The following POLN variants were observed in gnomAD, a reference collection of about 807,000 sequenced individuals.
POLN encodes DNA polymerase nu.
POLN carries 108 observed loss-of-function variants against 113.5 expected under a neutral mutation model. That is an observed-to-expected ratio of 0.95 (90% CI 0.81 to 1.12). The LOEUF (loss-of-function observed/expected upper bound fraction) is 1.12. Ranked by LOEUF, POLN falls within the 50% of genes most tolerant of loss-of-function variation. The pLI, the probability that POLN is intolerant of heterozygous loss-of-function variation, is 0.00. For synonymous variants in POLN, 386 were observed against 391.5 expected, an observed-to-expected ratio of 0.99 and a Z score of 0.17; for missense variants, 1,097 against 1,077.1, an observed-to-expected ratio of 1.02 and a Z score of -0.26.
At chr4:2,129,336 A>G in intron 17 of POLN, 80 bp from the exon 18 acceptor site, 2 of 894,304 alleles carry the variant, frequency 2.2e-6, no homozygotes, top group Non-Finnish European at 3.6e-6. Flanking sequence ...ATATTATTTG[A>G]ATATTATTCT....
At chr4:2,111,880 G>GA (rs1299959954) in intron 19 of POLN, among the ~76,000 whole-genome samples, 1 of 152,024 alleles carries the variant, frequency 6.6e-6, no homozygotes, top group Admixed American at 6.6e-5. Flanking sequence ...CACAGAATTG[G>GA]AAAAAACTAA....
intron 19 of POLN, among the ~76,000 whole-genome samples, chr4:2,114,744 T>C (rs182682764): frequency 6.6e-6 from 1 of 152,326 alleles, no homozygotes; most frequent in East Asian, 1.9e-4. Context: ...CATTTGGGAT[T>C]TGGTGAGATT....
intron 5 of POLN, among the ~76,000 whole-genome samples, chr4:2,205,136 G>A (rs952480701): frequency 6.6e-6 from 1 of 152,160 alleles, no homozygotes; most frequent in Admixed American, 6.5e-5. Context: ...AATCGATAAA[G>A]AGGAAATCAA....
At chr4:2,220,850 A>G (rs546457493) in intron 3 of POLN, among the ~76,000 whole-genome samples, 5 of 152,342 alleles carry the variant, frequency 3.3e-5, no homozygotes, top group African/African-American at 1.2e-4. Flanking sequence ...TGAACAAAAC[A>G]TTTATGAATC....
intron 20 of POLN, chr4:2,088,913 G>T: frequency 1.0e-5 from 13 of 1,273,662 alleles, no homozygotes; most frequent in Non-Finnish European, 1.4e-5. Flanking sequence ...AAGACACAGT[G>T]TTGAGGCAAA....
intron 19 of POLN, among the ~76,000 whole-genome samples, chr4:2,116,234 T>C (rs896148885): frequency 6.6e-6 from 1 of 152,240 alleles, no homozygotes; most frequent in Non-Finnish European, 1.5e-5. Flanking sequence ...GAGCTGGGGC[T>C]CTTTAGAATT....
chr4:2,150,801 TG>T (rs1258434659), intron 16 of POLN, among the ~76,000 whole-genome samples: 2 of 152,222 alleles, frequency 1.3e-5, no homozygotes, highest in African/African-American at 4.8e-5. Context: ...AGAAAGATGA[TG>T]TTAAACACTC....
intron 7 of POLN, among the ~76,000 whole-genome samples, chr4:2,186,802 C>T (rs1453560635): frequency 4.6e-5 from 7 of 152,110 alleles, no homozygotes; most frequent in African/African-American, 1.2e-4. Context: ...AACAGGATGG[C>T]GACAGTGAAG....
intron 16 of POLN, among the ~76,000 whole-genome samples, chr4:2,134,066 A>G (rs1158452798): frequency 6.6e-6 from 1 of 152,204 alleles, no homozygotes. Flanking sequence ...CTGTGTCTAC[A>G]GTTTTACCTT....
At chr4:2,116,488 G>C (rs768511262) in intron 19 of POLN, among the ~76,000 whole-genome samples, 2 of 151,780 alleles carry the variant, frequency 1.3e-5, no homozygotes, top group Non-Finnish European at 2.9e-5. Flanking sequence ...GAGTTACAAC[G>C]AATGTCTCAT....
rs766485814 is a variant in POLN at position 2,085,674 on chromosome 4, CA to C, written c.2135del (p.Leu712CysfsTer53). ...QEAAQFLESF[L>X]QKYKKIKDFA... ...AGTCCTTGATTTTCTTGTACTTCTG[CA>C]AAAAACTCTCCAAAAACTGGGCAGC... On this transcript the variant is annotated frameshift_variant, in exon 21 of 26. Coordinates refer to ENST00000511885, the MANE Select transcript of POLN (RefSeq NM_181808.4). LOFTEE classifies it high-confidence loss of function. The C allele has an allele frequency of 4.3e-6, 7 of 1,614,070 alleles. No individual in the cohort carries two copies. Among genetic ancestry groups the C allele is most frequent in the Admixed American group, 1.7e-5 (1 of 60,026 alleles).
At chr4:2,200,663 G>C (rs958868779) in intron 5 of POLN, among the ~76,000 whole-genome samples, 1 of 152,110 alleles carries the variant, frequency 6.6e-6, no homozygotes, top group Non-Finnish European at 1.5e-5. Flanking sequence ...TAGGAAAATG[G>C]GGAGAGGACT....
At chr4:2,125,956 G>T (rs1731568575) in intron 19 of POLN, among the ~76,000 whole-genome samples, 1 of 152,178 alleles carries the variant, frequency 6.6e-6, no homozygotes, top group African/African-American at 2.4e-5. Context: ...CCCGATTGGG[G>T]TGGAGGCCAC....
At chr4:2,146,117 G>A (rs1027275294) in intron 16 of POLN, among the ~76,000 whole-genome samples, 3 of 151,938 alleles carry the variant, frequency 2.0e-5, no homozygotes, top group East Asian at 1.9e-4. Flanking sequence ...ATAAATGCAC[G>A]CATTAAAATG....
rs773230462 is a variant in POLN, at chr4:2,198,484, A to G, written c.908+40T>C. 50 of 1,529,462 alleles carry G rather than the reference A, an allele frequency of 3.3e-5. 1 individual carries two copies. In the South Asian group the frequency reaches 6.2e-4, roughly 19 times the overall value. The allele number at this position is 1,529,462 out of a possible 1,614,324, so 94.7% of individuals were successfully genotyped here. A position where few individuals can be genotyped will look rare whatever the true frequency, so the allele number is the denominator to read the frequency against. On this transcript the variant is annotated intron_variant, in intron 6 of 25. Transcript: ENST00000511885. ...AAGTTTCCATTAGTATAAAGCAGGC[A>G]TGTAAGTAGGGTGTGAGCCCATGTG... is the stretch of plus-strand genomic sequence containing the variant.
intron 25 of POLN, among the ~76,000 whole-genome samples, chr4:2,072,637 C>T (rs1443491707): frequency 6.6e-6 from 1 of 152,198 alleles, no homozygotes; most frequent in Non-Finnish European, 1.5e-5. Flanking sequence ...GCTTGCCCCT[C>T]AGGGTCCTGC....
At chr4:2,192,864 C>T (rs1733485842) in intron 7 of POLN, among the ~76,000 whole-genome samples, 1 of 150,764 alleles carries the variant, frequency 6.6e-6, no homozygotes, top group Non-Finnish European at 1.5e-5. Context: ...AAGGTAGGTC[C>T]TATATTGTTT....
At chr4:2,081,181 A>C (rs902813340) in intron 22 of POLN, 145 bp from the exon 23 acceptor site, 40 of 1,591,334 alleles carry the variant, frequency 2.5e-5, no homozygotes, top group Non-Finnish European at 3.3e-5. Flanking sequence ...GCCACAGATG[A>C]CTGCAGGCAG....
chr4:2,073,080 C>G, intron 24 of POLN, 51 bp from the exon 25 acceptor site: 1 of 1,583,984 alleles, frequency 6.3e-7, no homozygotes, highest in Non-Finnish European at 8.6e-7. Flanking sequence ...GCCTTGGGGC[C>G]TGGGAGCCGA....
Sources: allele counts gnomAD v4.1 joint callset (sites outside exome capture counted in the v4.1 genomes callset), GRCh38; gene constraint gnomAD v4.1.1; transcripts MANE v1.5; gene names NCBI Gene and HGNC (gene_info 2026-07-23, HGNC 2026-07-21).